IL1RAPL1: variants seen among roughly 807,000 people sequenced by gnomAD.
IL1RAPL1 encodes the protein interleukin-1 receptor accessory protein-like 1.
IL1RAPL1 carries 3 observed loss-of-function variants against 48.4 expected under a neutral mutation model. The ratio of observed to expected loss-of-function variants is 0.06; its 90% CI spans 0.03 to 0.16. The LOEUF is 0.16. Ranked by LOEUF, IL1RAPL1 falls within the 10% of genes least tolerant of loss-of-function variation. The probability of loss-of-function intolerance (pLI) is 1.00; values close to 1 mark genes in which losing one functional copy is unlikely to be tolerated. For missense variants in IL1RAPL1, 349 were observed against 530.6 expected, an observed-to-expected ratio of 0.66 and a Z score of 3.36; for synonymous variants, 185 against 187.7, an observed-to-expected ratio of 0.99 and a Z score of 0.12.
Position 28,624,566 on chromosome X carries a change from C to A in IL1RAPL1, c.-25+36519C>A, listed in dbSNP as rs776473611. ...TTTTCTTCTTATAGCTTACTTTATT[C>A]CCATTATTAGACCTGTTTCCATGTT... On this transcript the variant is annotated intron_variant, in intron 1 of 10. Coordinates refer to ENST00000378993, the MANE Select transcript of IL1RAPL1 (RefSeq NM_014271.4). Among the ~76,000 whole-genome samples the A allele has an allele frequency of 1.3e-4, 15 of 111,353 alleles. No individual in the cohort carries two copies. In the South Asian group the frequency reaches 2.3e-3, roughly 17 times the overall value.
chrX:29,603,222 C>T (rs909728289), intron 5 of IL1RAPL1, among the ~76,000 whole-genome samples: 12 of 104,124 alleles, frequency 1.2e-4, no homozygotes, highest in Admixed American at 2.1e-4. Flanking sequence ...TCCAAGACTG[C>T]GCCATTGCCC....
chrX:29,864,226 G>A (rs1398432247), intron 6 of IL1RAPL1, among the ~76,000 whole-genome samples: 1 of 112,596 alleles, frequency 8.9e-6, no homozygotes, highest in Non-Finnish European at 1.9e-5. Flanking sequence ...TTAGGCCGAA[G>A]TATTGTTTTG....
intron 6 of IL1RAPL1, among the ~76,000 whole-genome samples, chrX:29,685,778 A>G (rs1359827976): frequency 1.8e-5 from 2 of 110,158 alleles, no homozygotes; most frequent in Admixed American, 1.9e-4. Flanking sequence ...TGAGGTCAGG[A>G]GTTCGAGACC....
At chrX:28,931,280 T>C (rs1490512131) in intron 2 of IL1RAPL1, among the ~76,000 whole-genome samples, 1 of 112,027 alleles carries the variant, frequency 8.9e-6, no homozygotes, top group African/African-American at 3.2e-5. Flanking sequence ...TTGAGCAGTT[T>C]TAACTCTAAA....
chrX:28,588,206 A>ATGTGTGTGTGTGTGTGTGTGTG (rs768348078), intron 1 of IL1RAPL1, among the ~76,000 whole-genome samples, 159 bp downstream of exon 1: 3 of 49,885 alleles, frequency 6.0e-5, no homozygotes, highest in Admixed American at 2.3e-4. Flanking sequence ...GTGTGTTGAT[A>ATGTGTGTGTGTGTGTGTGTGTG]TGTGTGTGTG....
intron 1 of IL1RAPL1, among the ~76,000 whole-genome samples, chrX:28,659,624 C>G (rs1373484882): frequency 3.6e-5 from 4 of 111,649 alleles, no homozygotes; most frequent in African/African-American, 1.3e-4. Context: ...AACACAATTG[C>G]TCCAATTAGT....
At chrX:29,312,922 A>G (rs1932747961) in intron 3 of IL1RAPL1, among the ~76,000 whole-genome samples, 2 of 111,424 alleles carry the variant, frequency 1.8e-5, no homozygotes, top group Non-Finnish European at 3.8e-5. Flanking sequence ...GCCACCATGT[A>G]AGAAATGCCT....
intron 1 of IL1RAPL1, among the ~76,000 whole-genome samples, chrX:28,687,711 G>A (rs1203409105): frequency 9.1e-6 from 1 of 110,020 alleles, no homozygotes; most frequent in Non-Finnish European, 1.9e-5. Context: ...GAACCCGGGA[G>A]GCGGAGCTTG....
intron 5 of IL1RAPL1, among the ~76,000 whole-genome samples, chrX:29,485,247 C>T (rs1935084374): frequency 9.0e-6 from 1 of 111,564 alleles, no homozygotes; most frequent in Non-Finnish European, 1.9e-5. Flanking sequence ...AAAAATAATC[C>T]TTTGCCTATA....
intron 8 of IL1RAPL1, among the ~76,000 whole-genome samples, chrX:29,938,359 T>G (rs139468881): frequency 0.016 from 1,747 of 111,307 alleles, 39 homozygotes; most frequent in African/African-American, 0.054. Context: ...TTTCCAAAGC[T>G]CCTCGACTAT....
At chrX:29,638,167 TG>T (rs1188000305) in intron 5 of IL1RAPL1, among the ~76,000 whole-genome samples, 12 of 111,692 alleles carry the variant, frequency 1.1e-4, no homozygotes, top group Admixed American at 1.9e-4. Context: ...AGCTCTAGAC[TG>T]CTGAATGAAC....
At chrX:29,614,060 C>T (rs768076971) in intron 5 of IL1RAPL1, among the ~76,000 whole-genome samples, 1 of 110,956 alleles carries the variant, frequency 9.0e-6, no homozygotes, top group South Asian at 3.9e-4. Flanking sequence ...CCGTGCCTGG[C>T]AGAGAAGCTG....
intron 2 of IL1RAPL1, among the ~76,000 whole-genome samples, chrX:29,148,931 T>C (rs1929404669): frequency 9.0e-6 from 1 of 111,545 alleles, no homozygotes; most frequent in African/African-American, 3.2e-5. Context: ...CAGATGCTTA[T>C]AGCTGCTTCA....
chrX:28,802,760 A>T (rs1015638407), intron 2 of IL1RAPL1, among the ~76,000 whole-genome samples: 2 of 111,959 alleles, frequency 1.8e-5, no homozygotes, highest in Admixed American at 1.9e-4. Flanking sequence ...TGAAAAGAGG[A>T]TTCTTCCAAT....
rs184817124 is a variant in IL1RAPL1, at chrX:28,711,860, A to G, written c.-24-77460A>G. Among the ~76,000 whole-genome samples, 508 of 110,067 alleles carry G rather than the reference A, an allele frequency of 4.6e-3. 5 individuals carry two copies. Among genetic ancestry groups the G allele is most frequent in the South Asian group, 0.017 (43 of 2,605 alleles). On this transcript the variant is annotated intron_variant, in intron 1 of 10. Coordinates refer to ENST00000378993, the MANE Select transcript of IL1RAPL1 (RefSeq NM_014271.4). ...AGCAATACAGAGAGGACTTACAGCT[A>G]TAGCTCAGATATATAAAGAAGTTGT...
intron 2 of IL1RAPL1, among the ~76,000 whole-genome samples, chrX:28,844,363 T>C (rs1434110214): frequency 9.2e-6 from 1 of 108,551 alleles, no homozygotes; most frequent in East Asian, 3.0e-4. Flanking sequence ...ATTGACATCA[T>C]GCCATTTCTA....
At chrX:29,549,690 T>C (rs1921742579) in intron 5 of IL1RAPL1, among the ~76,000 whole-genome samples, 1 of 111,894 alleles carries the variant, frequency 8.9e-6, no homozygotes, top group African/African-American at 3.2e-5. Flanking sequence ...AAATATTTCC[T>C]GTAACAGTGG....
At chrX:29,494,193 G>A (rs921666023) in intron 5 of IL1RAPL1, among the ~76,000 whole-genome samples, 5 of 111,536 alleles carry the variant, frequency 4.5e-5, no homozygotes, top group Admixed American at 9.5e-5. Flanking sequence ...AAGCCACCGC[G>A]TCCGGCTGCT....
rs757169904 is a variant in IL1RAPL1, at chrX:29,901,390, G to A, written c.779-16074G>A. On this transcript the variant is annotated intron_variant, in intron 6 of 10. Transcript: ENST00000378993. ...GTATCAGCCAGGGTTTGGAGATGAC[G>A]TATTCAGCACAAAAAAGATAAGGCA... Among the ~76,000 whole-genome samples, 8 of 111,939 alleles carry A rather than the reference G, an allele frequency of 7.1e-5. No individual in the cohort carries two copies. The East Asian group carries it at 2.0e-3, about 27-fold the overall frequency.
Sources: allele counts gnomAD v4.1 joint callset (sites outside exome capture counted in the v4.1 genomes callset), GRCh38; gene constraint gnomAD v4.1.1; transcripts MANE v1.5; gene names NCBI Gene and HGNC (gene_info 2026-07-23, HGNC 2026-07-21).